Variants in OSBPL8 observed in about 807,000 individuals in gnomAD.
The protein encoded by OSBPL8 is oxysterol binding protein like 8, also known as oxysterol-binding protein-related protein 8.
A neutral mutation model predicts 125.5 loss-of-function variants in OSBPL8; 59 were observed. That is an observed-to-expected ratio of 0.47 (90% CI 0.38 to 0.58). The LOEUF (loss-of-function observed/expected upper bound fraction) is 0.58, where lower values mean the gene tolerates loss of function less well. Among genes scored for constraint, OSBPL8 ranks in the 20% least tolerant of loss-of-function variants. The probability of loss-of-function intolerance (pLI) is 0.00; values close to 1 mark genes in which losing one functional copy is unlikely to be tolerated. For synonymous variants in OSBPL8, 330 were observed against 338.9 expected, an observed-to-expected ratio of 0.97 and a Z score of 0.29; for missense variants, 758 against 1,047.8, an observed-to-expected ratio of 0.72 and a Z score of 3.82.
intron 1 of OSBPL8, among the ~76,000 whole-genome samples, chr12:76,507,343 T>C (rs1384243838): frequency 6.6e-6 from 1 of 151,784 alleles, no homozygotes; most frequent in Non-Finnish European, 1.5e-5. Flanking sequence ...TTAATACATA[T>C]CTAATCATAA....
intron 4 of OSBPL8, among the ~76,000 whole-genome samples, chr12:76,442,292 A>G (rs1347956234): frequency 2.0e-5 from 3 of 152,212 alleles, no homozygotes; most frequent in African/African-American, 4.8e-5. Flanking sequence ...ACAGTTGAAC[A>G]AAGATACCAT....
chr12:76,388,937 G>C (rs1461989323), intron 12 of OSBPL8, among the ~76,000 whole-genome samples: 1 of 152,048 alleles, frequency 6.6e-6, no homozygotes, highest in Non-Finnish European at 1.5e-5. Context: ...TTAGGTCGCA[G>C]GGCCAGATAT....
At chr12:76,406,432 T>C (rs1290184919) in intron 5 of OSBPL8, among the ~76,000 whole-genome samples, 1 of 152,234 alleles carries the variant, frequency 6.6e-6, no homozygotes, top group Non-Finnish European at 1.5e-5. Flanking sequence ...AAACTCCTTA[T>C]CCTTTTAACA....
chr12:76,486,918 C>T (rs1485543186), intron 2 of OSBPL8, among the ~76,000 whole-genome samples: 1 of 151,238 alleles, frequency 6.6e-6, no homozygotes, highest in Non-Finnish European at 1.5e-5. Context: ...GTATGTCTTT[C>T]ACTATATGGC....
chr12:76,428,574 T>C (rs897540009), intron 4 of OSBPL8, among the ~76,000 whole-genome samples: 6 of 152,082 alleles, frequency 3.9e-5, no homozygotes, highest in South Asian at 2.1e-4. Flanking sequence ...CTCAAGATAA[T>C]AAACCTAGGC....
intron 4 of OSBPL8, among the ~76,000 whole-genome samples, chr12:76,420,842 T>C (rs1286372014): frequency 6.6e-6 from 1 of 152,070 alleles, no homozygotes; most frequent in Admixed American, 6.5e-5. Context: ...TAAAAGCAGA[T>C]ATTTTATAGA....
In OSBPL8 at chr12:76,472,501, C is replaced by T. The variant is rs529139995; in HGVS notation, c.43-12606G>A. Among the ~76,000 whole-genome samples the T allele has an allele frequency of 2.0e-4, 31 of 152,244 alleles. No homozygotes were observed. In the South Asian group the frequency reaches 3.5e-3, roughly 17 times the overall value. On this transcript the variant is annotated intron_variant, in intron 2 of 23. Coordinates refer to ENST00000261183, the MANE Select transcript of OSBPL8 (RefSeq NM_020841.5). ...GCCCGGGGGACCACTACCACCAAGA[C>T]GCGGAGACTGGTAGTGGCCCCGAAT...
Position 76,375,346 on chromosome 12 carries a change from A to C in OSBPL8, c.1754T>G (p.Leu585Arg). 5 of 1,611,994 alleles carry C rather than the reference A, an allele frequency of 3.1e-6. No homozygotes were observed. The highest frequency in any genetic ancestry group is 4.2e-6 in the Non-Finnish European group (5 of 1,178,926). Reference sequence around the variant, plus strand: ...AATATTGACTGTTCCACCAAGCTCCAGTGTCATTGTACCATAAAGAATTCC... The same window carrying C: ...AATATTGACTGTTCCACCAAGCTCCCGTGTCATTGTACCATAAAGAATTCC... ...CKGILYGTMT[L>R]ELGGTVNITC... The change falls in exon 17 of 24, where the codon CTG becomes CGG. Residue 585 changes from leucine to arginine, a missense_variant. Physicochemically the swap from Leu to Arg is moderately radical, Grantham distance 102 (BLOSUM62 -2). Coordinates refer to ENST00000261183, the MANE Select transcript of OSBPL8 (RefSeq NM_020841.5).
intron 1 of OSBPL8, among the ~76,000 whole-genome samples, chr12:76,556,974 T>G (rs751921271): frequency 6.6e-6 from 1 of 152,194 alleles, no homozygotes; most frequent in Non-Finnish European, 1.5e-5. Context: ...TCTCAAAGGC[T>G]TTTTTATTCA....
Position 76,464,568 on chromosome 12 carries a change from C to A in OSBPL8, c.43-4673G>T, listed in dbSNP as rs916980754. On this transcript the variant is annotated intron_variant, in intron 2 of 23. Coordinates refer to ENST00000261183, the MANE Select transcript of OSBPL8 (RefSeq NM_020841.5). ...TTGTATGTCTAAATATTTGCCACCTCATCTATAATTAGCATTAAACAAGCA... is the reference window on the plus strand; with the variant it reads ...TTGTATGTCTAAATATTTGCCACCTAATCTATAATTAGCATTAAACAAGCA... 7.9e-5 allele frequency among the ~76,000 whole-genome samples: 12 copies of A among 152,290 alleles called. 1 individual carries two copies. Among genetic ancestry groups the A allele is most frequent in the Admixed American group, 6.5e-4 (10 of 15,302 alleles).
intron 22 of OSBPL8, among the ~76,000 whole-genome samples, chr12:76,358,051 C>T (rs1318533133): frequency 6.6e-6 from 1 of 151,772 alleles, no homozygotes; most frequent in Non-Finnish European, 1.5e-5. Context: ...AAATGAAAAA[C>T]ATTTTTGAAG....
intron 4 of OSBPL8, among the ~76,000 whole-genome samples, chr12:76,439,524 G>A (rs1871919492): frequency 6.6e-6 from 1 of 152,174 alleles, no homozygotes; most frequent in Non-Finnish European, 1.5e-5. Context: ...ATATGTATGT[G>A]CTTGGGGGGA....
Position 76,355,768 on chromosome 12 carries a change from A to G in OSBPL8, c.*121T>C, listed in dbSNP as rs1159401675. The stretch of plus-strand genomic sequence containing the variant: ...ACGAAAAGTCAATACCTCTACATTT[A>G]TCTCCTAGGTTTTTTTGTTTTCGGA... On this transcript the variant is annotated 3_prime_UTR_variant, in exon 24 of 24. Transcript: ENST00000261183. 1 of 1,081,574 alleles carries G rather than the reference A, an allele frequency of 9.2e-7. No homozygotes were observed. Among genetic ancestry groups the G allele is most frequent in the African/African-American group, 1.6e-5 (1 of 62,138 alleles). 67.0% of individuals were successfully genotyped at this position (1,081,574 alleles called of 1,614,324 possible).
chr12:76,397,938 C>A (rs766082950), intron 7 of OSBPL8, 41 bp from the exon 8 acceptor site: 1 of 1,568,364 alleles, frequency 6.4e-7, no homozygotes, highest in Non-Finnish European at 8.7e-7. Context: ...AAGATCTGTT[C>A]TCCAAGGTCC....
chr12:76,453,000 AT>A (rs77723812), intron 3 of OSBPL8, among the ~76,000 whole-genome samples: 7,393 of 143,234 alleles, frequency 0.052, 535 homozygotes, highest in African/African-American at 0.17. Flanking sequence ...ACAATTTGGC[AT>A]TTTTTTTTTT....
intron 4 of OSBPL8, among the ~76,000 whole-genome samples, chr12:76,426,467 A>C (rs147397365): frequency 8.4e-4 from 128 of 152,284 alleles, no homozygotes; most frequent in African/African-American, 2.1e-3. Context: ...ATATGCATAC[A>C]TGATGGTAAC....
In OSBPL8 at chr12:76,393,710, C is replaced by CAAAA. The variant is rs11423585; in HGVS notation, c.757+931_757+934dup. ...TGGGCGACAGAGTGAGACTCCGTTT[C>CAAAA]AAAAAAAAAAAAAAAAAAAAAAAAA... On this transcript the variant is annotated intron_variant, in intron 9 of 23. Coordinates refer to ENST00000261183, the MANE Select transcript of OSBPL8 (RefSeq NM_020841.5). Among the ~76,000 whole-genome samples, 17 of 52,268 alleles carry CAAAA rather than the reference C, an allele frequency of 3.3e-4. 2 individuals are homozygous for CAAAA. The highest frequency in any genetic ancestry group is 3.8e-4 in the Non-Finnish European group (11 of 28,946). The allele number at this position is 52,268 out of a possible 152,430, so 34.3% of individuals were successfully genotyped here. A position where few individuals can be genotyped will look rare whatever the true frequency, so the allele number is the denominator to read the frequency against.
chr12:76,464,894 AAG>A (rs1342421103), intron 2 of OSBPL8, among the ~76,000 whole-genome samples: 1 of 152,184 alleles, frequency 6.6e-6, no homozygotes, highest in African/African-American at 2.4e-5. Context: ...ACAATTCAGA[AAG>A]AGTATACAAA....
chr12:76,422,368 G>A (rs1217453783), intron 4 of OSBPL8: 1 of 349,912 alleles, frequency 2.9e-6, no homozygotes, highest in Non-Finnish European at 5.6e-6. Flanking sequence ...AAGCCAAGCT[G>A]TTTAGCAGCA....
Sources: allele counts gnomAD v4.1 joint callset (sites outside exome capture counted in the v4.1 genomes callset), GRCh38; gene constraint gnomAD v4.1.1; transcripts MANE v1.5; gene names NCBI Gene and HGNC (gene_info 2026-07-23, HGNC 2026-07-21).